The following DYRK4 variants were observed in gnomAD, a reference collection of about 807,000 sequenced individuals.
DYRK4 encodes dual specificity tyrosine-phosphorylation-regulated kinase 4.
A neutral mutation model predicts 68.3 loss-of-function variants in DYRK4; 64 were observed. The observed-to-expected ratio is 0.94, with a 90% CI of 0.77 to 1.15. The LOEUF is 1.15. Among genes scored for constraint, DYRK4 ranks in the 50% most tolerant of loss-of-function variants. The probability of loss-of-function intolerance (pLI) is 0.00; values close to 1 mark genes in which losing one functional copy is unlikely to be tolerated. For synonymous variants in DYRK4, 274 were observed against 289.9 expected, an observed-to-expected ratio of 0.95 and a Z score of 0.56; for missense variants, 740 against 764.7, an observed-to-expected ratio of 0.97 and a Z score of 0.38.
At chr12:4,565,344 T>C (rs940522425) in intron 1 of DYRK4, among the ~76,000 whole-genome samples, 2 of 152,216 alleles carry the variant, frequency 1.3e-5, no homozygotes, top group African/African-American at 4.8e-5. Flanking sequence ...AGATTTTTTT[T>C]TCAGTCTGTC....
intron 1 of DYRK4, among the ~76,000 whole-genome samples, chr12:4,566,618 C>T (rs1168690444): frequency 6.6e-6 from 1 of 152,198 alleles, no homozygotes; most frequent in Non-Finnish European, 1.5e-5. Context: ...TTCTATGTAC[C>T]TCCTTTCCTG....
At chr12:4,571,323 C>T (rs1193369158) in intron 2 of DYRK4, among the ~76,000 whole-genome samples, 1 of 152,244 alleles carries the variant, frequency 6.6e-6, no homozygotes, top group Non-Finnish European at 1.5e-5. Flanking sequence ...TTCTTAGATC[C>T]TTTCAATCAT....
intron 2 of DYRK4, among the ~76,000 whole-genome samples, chr12:4,572,192 A>T (rs1238244755): frequency 6.6e-6 from 1 of 152,236 alleles, no homozygotes; most frequent in Admixed American, 6.5e-5. Flanking sequence ...GGAACTGAAT[A>T]GACCAGTGGT....
intron 2 of DYRK4, among the ~76,000 whole-genome samples, chr12:4,568,436 A>G (rs1944698281): frequency 6.7e-6 from 1 of 150,094 alleles, no homozygotes; most frequent in Admixed American, 6.6e-5. Context: ...CCCAGGCTGG[A>G]GTGAAATGGT....
Position 4,579,263 on chromosome 12 carries a change from A to T in DYRK4, c.133-9674A>T, listed in dbSNP as rs181071005. 1.4e-4 allele frequency among the ~76,000 whole-genome samples: 21 copies of T among 152,224 alleles called. No homozygotes were observed. The East Asian group carries it at 3.9e-3, about 28-fold the overall frequency. On this transcript the variant is annotated intron_variant, in intron 2 of 14. Transcript: ENST00000543431. ...CACTCCAGCCTGGTGACAGAGCGAG[A>T]TGCCGTCTCAAAATGATAATAATAA...
At chr12:4,573,093 A>G (rs1944749283) in intron 2 of DYRK4, 1 of 341,576 alleles carries the variant, frequency 2.9e-6, no homozygotes, top group South Asian at 2.3e-5. Context: ...AGGTTGGCAC[A>G]CTATTATTTA....
chr12:4,599,550 A>G (rs1443562617), intron 9 of DYRK4, 157 bp from the exon 10 acceptor site: 1 of 600,234 alleles, frequency 1.7e-6, no homozygotes, highest in Non-Finnish European at 2.9e-6. Context: ...ATGGAAAGTC[A>G]GAGCGGAGGA....
intron 6 of DYRK4, 72 bp downstream of exon 6, chr12:4,593,237 A>G: frequency 1.3e-6 from 2 of 1,543,766 alleles, no homozygotes; most frequent in Middle Eastern, 2.4e-4. Context: ...GGAAAAAAGC[A>G]ACGGTATTTT....
At chr12:4,592,299 C>T (rs1396244800) in intron 5 of DYRK4, among the ~76,000 whole-genome samples, 6 of 152,172 alleles carry the variant, frequency 3.9e-5, no homozygotes, top group Non-Finnish European at 1.5e-5. Flanking sequence ...GTCTTGTTCC[C>T]TATAAGTCTT....
intron 2 of DYRK4, among the ~76,000 whole-genome samples, chr12:4,579,411 G>A (rs1944819656): frequency 6.6e-6 from 1 of 152,196 alleles, no homozygotes; most frequent in Non-Finnish European, 1.5e-5. Context: ...TCTAGACAAA[G>A]TTTTCTTAAG....
At chr12:4,579,588 A>G (rs1944821557) in intron 2 of DYRK4, among the ~76,000 whole-genome samples, 1 of 152,200 alleles carries the variant, frequency 6.6e-6, no homozygotes, top group Non-Finnish European at 1.5e-5. Flanking sequence ...GAGGGAGGGC[A>G]TTTCAGGCAG....
chr12:4,591,718 G>A lies in DYRK4; in HGVS notation c.463+420G>A, dbSNP rs1369824057. ...GAAGCTTGCTCCTTCCTCTTGATAA[G>A]GAGGTGTTGGAGAGGAGCCTCTGTA... On this transcript the variant is annotated intron_variant, in intron 5 of 14. Transcript: ENST00000543431. The surrounding 1 kb of genome is among the most constrained non-coding windows in gnomAD (Gnocchi z 4.1). The A allele has an allele frequency of 6.3e-6, 1 of 159,914 alleles. No homozygotes were observed. Among genetic ancestry groups the A allele is most frequent in the Non-Finnish European group, 1.4e-5 (1 of 73,090 alleles). 9.9% of individuals were successfully genotyped at this position (159,914 alleles called of 1,614,324 possible).
At chr12:4,599,658 C>T in intron 9 of DYRK4, 49 bp from the exon 10 acceptor site, 1 of 1,455,394 alleles carries the variant, frequency 6.9e-7, no homozygotes, top group Non-Finnish European at 9.6e-7. Context: ...AAGTAGAGGG[C>T]CTAGGGCCGC....
At chr12:4,611,215 A>AGGTAATG (rs1236430774) in intron 13 of DYRK4, among the ~76,000 whole-genome samples, 1 of 152,208 alleles carries the variant, frequency 6.6e-6, no homozygotes, top group African/African-American at 2.4e-5. Flanking sequence ...GTGAACCATG[A>AGGTAATG]GGTAATGATG....
intron 10 of DYRK4, among the ~76,000 whole-genome samples, chr12:4,601,072 C>A (rs907199070): frequency 6.6e-6 from 1 of 152,066 alleles, no homozygotes; most frequent in South Asian, 2.1e-4. Flanking sequence ...ACATGTAGAA[C>A]CCCTATCACT....
At chr12:4,566,098 T>G (rs1200048774) in intron 1 of DYRK4, among the ~76,000 whole-genome samples, 2 of 152,230 alleles carry the variant, frequency 1.3e-5, no homozygotes, top group Non-Finnish European at 2.9e-5. Flanking sequence ...CTCCCAAATC[T>G]TTCCCAAGTT....
intron 3 of DYRK4, 87 bp downstream of exon 3, chr12:4,589,104 C>CA: frequency 1.7e-6 from 2 of 1,200,642 alleles, no homozygotes; most frequent in Non-Finnish European, 2.3e-6. Flanking sequence ...CAGTTTTGGC[C>CA]AATTTATCAT....
At chr12:4,586,721 C>T (rs1262002351) in intron 2 of DYRK4, among the ~76,000 whole-genome samples, 2 of 117,056 alleles carry the variant, frequency 1.7e-5, no homozygotes, top group Non-Finnish European at 3.8e-5. Flanking sequence ...CACACACACA[C>T]ACACACACAC....
chr12:4,573,334 C>T lies in DYRK4; in HGVS notation c.132+5286C>T, dbSNP rs1242930226. The T allele has an allele frequency of 2.3e-6, 3 of 1,289,460 alleles. No homozygotes were observed. In the East Asian group the frequency reaches 1.7e-4, roughly 72 times the overall value. The allele number at this position is 1,289,460 out of a possible 1,614,324, so 79.9% of individuals were successfully genotyped here. ...GTTTTCCCCATTCTTTCCTAGGGCC[C>T]CACTCTTTCTGAGATCTACATGGTA... On this transcript the variant is annotated intron_variant, in intron 2 of 14. Coordinates refer to ENST00000543431, the MANE Select transcript of DYRK4 (RefSeq NM_001394779.1).
Sources: allele counts gnomAD v4.1 joint callset (sites outside exome capture counted in the v4.1 genomes callset), GRCh38; gene constraint gnomAD v4.1.1; non-coding constraint Gnocchi (gnomAD v3.1); transcripts MANE v1.5; gene names NCBI Gene and HGNC (gene_info 2026-07-23, HGNC 2026-07-21).